Variants in DET1 observed in about 807,000 individuals in gnomAD.
DET1 encodes the protein DET1 partner of COP1 E3 ubiquitin ligase.
In DET1, 22 loss-of-function variants were observed where a neutral mutation model predicts 43.7. That is an observed-to-expected ratio of 0.50 (90% CI 0.36 to 0.72). DET1 has a LOEUF of 0.72. Among genes scored for constraint, DET1 ranks in the 30% least tolerant of loss-of-function variants. The pLI, the probability that DET1 is intolerant of heterozygous loss-of-function variation, is 0.00. For synonymous variants in DET1, 315 were observed against 266.2 expected (o/e 1.18, Z -1.79); for missense variants, 713 against 713.3 (o/e 1.00, Z 0.00).
chr15:88,533,531 C>T (rs903377309), intron 1 of DET1, among the ~76,000 whole-genome samples: 1 of 152,006 alleles, frequency 6.6e-6, no homozygotes, highest in Non-Finnish European at 1.5e-5. Context: ...GGAAGCAACC[C>T]AAAAGTTCAC....
chr15:88,531,149 G>T lies in DET1; in HGVS notation c.557C>A (p.Ser186Tyr), dbSNP rs768914566. 4.3e-6 allele frequency: 7 copies of T among 1,614,006 alleles called. No individual in the cohort carries two copies. Among genetic ancestry groups the T allele is most frequent in the Non-Finnish European group, 5.9e-6 (7 of 1,179,890 alleles). ...NSESVTPNPR[S>Y]PLEDYSLHII... ...ATGGAGGGAATAGTCTTCTAGAGGG[G>T]ACCGTGGGTTGGGGGTCACTGATTC... Residue 186 changes from serine (S) to tyrosine (Y), a missense_variant, in exon 2 of 5, where the codon TCC (serine) becomes TAC (tyrosine). Ser to Tyr is a moderately radical substitution (Grantham distance 144). Coordinates refer to ENST00000268148, the MANE Select transcript of DET1 (RefSeq NM_001144074.3). The surrounding 1 kb of genome is among the most constrained non-coding windows in gnomAD (Gnocchi z 6.2).
chr15:88,519,438 C>T (rs909541762), intron 3 of DET1, among the ~76,000 whole-genome samples: 1 of 152,108 alleles, frequency 6.6e-6, no homozygotes, highest in Non-Finnish European at 1.5e-5. Flanking sequence ...TCACCATTAC[C>T]AACGACTGCA....
chr15:88,513,622 GTTTT>G (rs34991328), intron 4 of DET1, among the ~76,000 whole-genome samples: 7 of 115,384 alleles, frequency 6.1e-5, no homozygotes, highest in South Asian at 2.8e-4. Flanking sequence ...CTATTAGTGA[GTTTT>G]TTTTTTTTTT....
intron 1 of DET1, among the ~76,000 whole-genome samples, chr15:88,532,763 A>G (rs980627780): frequency 6.6e-6 from 1 of 152,226 alleles, no homozygotes; most frequent in Non-Finnish European, 1.5e-5. Context: ...GTCAGACCCT[A>G]TCTTACACCC....
intron 1 of DET1, chr15:88,536,481 T>C (rs2056953818): frequency 1.8e-6 from 1 of 571,274 alleles, no homozygotes; most frequent in Admixed American, 3.4e-5. Flanking sequence ...CTAAACAAAG[T>C]AAAAGAGGAA....
At chr15:88,532,689 A>T (rs2056846659) in intron 1 of DET1, among the ~76,000 whole-genome samples, 1 of 152,216 alleles carries the variant, frequency 6.6e-6, no homozygotes, top group South Asian at 2.1e-4. Context: ...ACTCAATAGA[A>T]AAAGGACAGT....
chr15:88,505,784 A>G lies in DET1; in HGVS notation c.*2066-1797T>C, dbSNP rs1231870028. Reference sequence around the variant, plus strand: ...GTGCTTGGCATAGCATCTGGCCCATAGTAAGTAAGCTTTTAATAAATGTTA... The same window carrying G: ...GTGCTTGGCATAGCATCTGGCCCATGGTAAGTAAGCTTTTAATAAATGTTA... On this transcript the variant is annotated intron_variant and NMD_transcript_variant, in intron 7 of 8. Transcript: ENST00000557842. The G allele has an allele frequency of 2.0e-5, 3 of 152,238 alleles. No homozygotes were observed. In the East Asian group the frequency reaches 5.8e-4, roughly 29 times the overall value. The allele number at this position is 152,238 out of a possible 1,614,324, so 9.4% of individuals were successfully genotyped here.
In DET1 at chr15:88,531,750, G is replaced by T; in HGVS notation, c.-10-35C>A. On this transcript the variant is annotated intron_variant, in intron 1 of 4. Coordinates refer to ENST00000268148, the MANE Select transcript of DET1 (RefSeq NM_001144074.3). This position sits in a 1 kb window ranked among gnomAD's most constrained non-coding sequence, Gnocchi z 6.2. ...AAAGTAAAGCAGAAGTCAAGAAAGT[G>T]AAACAGAATTTACCAAAATATAAAT... 6.4e-7 allele frequency: 1 copy of T among 1,554,712 alleles called. No homozygotes were observed.
At chr15:88,512,303 G>A (rs1598311575), downstream of DET1, 1 of 980,262 alleles carries the variant, frequency 1.0e-6, no homozygotes, top group South Asian at 4.7e-5. Context: ...AAAACCCGAG[G>A]GAAGGAAACA....
At chr15:88,522,311 T>C (rs2056512161) in intron 3 of DET1, among the ~76,000 whole-genome samples, 1 of 151,512 alleles carries the variant, frequency 6.6e-6, no homozygotes, top group African/African-American at 2.4e-5. Context: ...CCATTATTTC[T>C]CCACTTTGTG....
rs112670436 is a variant in DET1, at chr15:88,515,164, G to A, written c.1463+1618C>T. Among the ~76,000 whole-genome samples the A allele has an allele frequency of 5.6e-3, 853 of 152,154 alleles. 5 individuals carry two copies. Among genetic ancestry groups the A allele is most frequent in the Non-Finnish European group, 7.8e-3 (527 of 67,962 alleles). ...TGTAACAAGCAAAGTCTAGAATTTG[G>A]AGAATGCTAGAGGAAAAACAACCTG... is the stretch of plus-strand genomic sequence containing the variant. On this transcript the variant is annotated intron_variant, in intron 4 of 4. Transcript: ENST00000268148.
intron 1 of DET1, among the ~76,000 whole-genome samples, chr15:88,543,930 C>T (rs577922852): frequency 1.3e-5 from 2 of 152,278 alleles, no homozygotes; most frequent in South Asian, 2.1e-4. Flanking sequence ...TGAGAAAACT[C>T]GCCAGAAGAA....
intron 1 of DET1, chr15:88,536,505 T>G: frequency 5.6e-6 from 3 of 539,292 alleles, no homozygotes; most frequent in Non-Finnish European, 9.8e-6. Context: ...ACTGGCCGGG[T>G]GCAGTGGCTC....
Position 88,534,529 on chromosome 15 carries a change from C to A in DET1, c.-10-2814G>T, listed in dbSNP as rs138312700. 3.7e-3 allele frequency among the ~76,000 whole-genome samples: 567 copies of A among 152,222 alleles called. 3 individuals are homozygous for A. Among genetic ancestry groups the A allele is most frequent in the African/African-American group, 0.013 (553 of 41,544 alleles). On this transcript the variant is annotated intron_variant, in intron 1 of 4. Transcript: ENST00000268148. ...ATCAAAAGGGAGACCCCAGTGGAAC[C>A]AGAAGGTACTGGGGAGATATCAGAT...
At chr15:88,536,593 C>A (rs550939454) in intron 1 of DET1, among the ~76,000 whole-genome samples, 4 of 151,872 alleles carry the variant, frequency 2.6e-5, no homozygotes, top group Admixed American at 6.6e-5. Context: ...GCCTGGCCAA[C>A]ATAGTGAAAC....
Position 88,530,680 on chromosome 15 carries a change from C to T in DET1, c.1026G>A (p.Leu342=). 6.2e-7 allele frequency: 1 copy of T among 1,613,838 alleles called. No individual in the cohort carries two copies. Among genetic ancestry groups the T allele is most frequent in the Non-Finnish European group, 8.5e-7 (1 of 1,179,808 alleles). The change falls in exon 2 of 5, where the codon CTG becomes CTA. Residue 342 remains leucine (L), a synonymous_variant. Coordinates refer to ENST00000268148, the MANE Select transcript of DET1 (RefSeq NM_001144074.3). ...CATCCTCACTAGTGTACTTGATAAA[C>T]AGGTGGTTTTCATCCAGAAGCTGCA... The part of the protein sequence containing the change: ...WKMQLLDENH[L]FIKYTSEDVV...
chr15:88,527,806 G>A lies in DET1; in HGVS notation c.1084-20C>T. 6.4e-7 allele frequency: 1 copy of A among 1,564,030 alleles called. No homozygotes were observed. Among genetic ancestry groups the A allele is most frequent in the Non-Finnish European group, 8.7e-7 (1 of 1,153,200 alleles). The stretch of plus-strand genomic sequence containing the variant: ...AGATGCCTGCAGAAGAAAAGAGAGA[G>A]AGGTATGGGACAGCTGAGTATAATG... On this transcript the variant is annotated intron_variant, in intron 2 of 4. Transcript: ENST00000268148.
At chr15:88,520,949 T>A (rs992301128) in intron 3 of DET1, among the ~76,000 whole-genome samples, 16 of 152,210 alleles carry the variant, frequency 1.1e-4, no homozygotes, top group African/African-American at 3.9e-4. Flanking sequence ...GCCTACATTC[T>A]ACTCTTAACA....
At chr15:88,523,790 A>C (rs1310982154) in intron 3 of DET1, among the ~76,000 whole-genome samples, 3 of 152,120 alleles carry the variant, frequency 2.0e-5, no homozygotes, top group Non-Finnish European at 2.9e-5. Context: ...CGCTCGCTAC[A>C]ACCTCCACCT....
Sources: gnomAD v4.1 joint callset for allele counts (sites outside exome capture counted in the v4.1 genomes callset) on GRCh38, gnomAD v4.1.1 for gene constraint, Gnocchi (gnomAD v3.1) non-coding constraint, MANE v1.5 for transcripts, NCBI Gene and HGNC (gene_info 2026-07-23, HGNC 2026-07-21) for gene names.